Variants in ARHGDIB observed in about 807,000 individuals in gnomAD.
The protein encoded by ARHGDIB is rho GDP-dissociation inhibitor 2.
A neutral mutation model predicts 22.6 loss-of-function variants in ARHGDIB; 20 were observed. That is an observed-to-expected ratio of 0.88 (90% CI 0.62 to 1.28). The LOEUF is 1.28. Ranked by LOEUF, ARHGDIB falls within the 50% of genes most tolerant of loss-of-function variation. The probability of loss-of-function intolerance (pLI) is 0.00; values close to 1 mark genes in which losing one functional copy is unlikely to be tolerated. For synonymous variants in ARHGDIB, 114 were observed against 96.1 expected (o/e 1.19, Z -1.09); for missense variants, 254 against 245.4 (o/e 1.04, Z -0.23).
In ARHGDIB at chr12:14,950,561, G is replaced by A. The variant is rs773817916; in HGVS notation, c.152C>T (p.Thr51Met). ...DDESLIKYKKTLLGDGPVVTD... is the reference protein window; with the variant it reads ...DDESLIKYKKMLLGDGPVVTD... ...CACCACAGGACCATCTCCCAGCAGC[G>A]TTTTCTTGTACTTAATTAGACTCTC... The change falls in exon 2 of 6, where the codon ACG becomes ATG. Residue 51 changes from threonine to methionine, a missense_variant. By Grantham distance (81) the Thr-to-Met change is moderately conservative. Coordinates refer to ENST00000228945, the MANE Select transcript of ARHGDIB (RefSeq NM_001175.7). 1.7e-5 allele frequency: 28 copies of A among 1,613,714 alleles called. No homozygotes were observed. The highest frequency in any genetic ancestry group is 2.2e-5 in the Non-Finnish European group (26 of 1,179,804).
chr12:14,952,435 T>A (rs749409900), intron 1 of ARHGDIB, among the ~76,000 whole-genome samples: 3 of 152,116 alleles, frequency 2.0e-5, no homozygotes, highest in African/African-American at 4.8e-5. Context: ...GAAGAAAACA[T>A]GTAGGCCTGT....
intron 1 of ARHGDIB, among the ~76,000 whole-genome samples, chr12:14,959,778 C>G (rs901826318): frequency 1.3e-5 from 2 of 152,170 alleles, no homozygotes; most frequent in Non-Finnish European, 2.9e-5. Flanking sequence ...CAGTCGAGGC[C>G]TGAAAAATGC....
chr12:14,945,373 G>T (rs937963822), intron 4 of ARHGDIB, among the ~76,000 whole-genome samples: 4 of 152,168 alleles, frequency 2.6e-5, no homozygotes, highest in African/African-American at 9.7e-5. Flanking sequence ...TGAAATAATG[G>T]GTGAAATTCA....
rs1864060546 is a variant in ARHGDIB, at chr12:14,947,920, T to C, written c.295A>G (p.Ile99Val). ...TATTCAGAACCTTCCTTTAACACAA[T>C]GGTTTCCTTTTTGAGGGCTTCCAGA... Reference protein sequence around the residue: ...GDLEALKKETIVLKEGSEYRV... With the variant: ...GDLEALKKETVVLKEGSEYRV... The change falls in exon 4 of 6, where the codon ATT (isoleucine) becomes GTT (valine). Residue 99 changes from isoleucine (I) to valine (V), a missense_variant. Physicochemically the swap from Ile to Val is conservative, Grantham distance 29 (BLOSUM62 3). Transcript: ENST00000228945. 2 of 1,613,330 alleles carry C rather than the reference T, an allele frequency of 1.2e-6. No homozygotes were observed. The highest frequency in any genetic ancestry group is 1.7e-6 in the Non-Finnish European group (2 of 1,179,248).
At chr12:14,948,680 T>C (rs1864089146) in intron 3 of ARHGDIB, 1 of 152,208 alleles carries the variant, frequency 6.6e-6, no homozygotes, top group Non-Finnish European at 1.5e-5. Context: ...AATTTGGTTT[T>C]CCTCTGCTGG....
intron 3 of ARHGDIB, 151 bp from the exon 4 acceptor site, chr12:14,948,100 GCACACACACACACA>G (rs56206040): frequency 3.0e-4 from 131 of 437,236 alleles, no homozygotes; most frequent in South Asian, 4.7e-4. Flanking sequence ...TTTAGTCCTT[GCACACACACACACA>G]CACACACACA....
intron 5 of ARHGDIB, among the ~76,000 whole-genome samples, 168 bp from the exon 6 acceptor site, chr12:14,942,889 A>G (rs1312129666): frequency 6.7e-6 from 1 of 148,932 alleles, no homozygotes; most frequent in Admixed American, 6.6e-5. Flanking sequence ...TTTTTTTAAG[A>G]TGGAGTTTTG....
rs774299644 is a variant in ARHGDIB, at chr12:14,950,611, C to A, written c.102G>T (p.Glu34Asp). The A allele has an allele frequency of 3.1e-6, 5 of 1,613,950 alleles. No homozygotes were observed. In the African/African-American group the frequency reaches 6.7e-5, roughly 22 times the overall value. ...YKPPPQKSLKELQEMDKDDES... is the reference protein window; with the variant it reads ...YKPPPQKSLKDLQEMDKDDES... Reference sequence around the variant, plus strand: ...CATCATCTTTGTCCATTTCCTGCAGCTCTTTCAGGGACTTCTGTGGTGGAG... The same window carrying A: ...CATCATCTTTGTCCATTTCCTGCAGATCTTTCAGGGACTTCTGTGGTGGAG... The change falls in exon 2 of 6, where the codon GAG becomes GAT. Residue 34 changes from glutamate (E) to aspartate (D), a missense_variant. Coordinates refer to ENST00000228945, the MANE Select transcript of ARHGDIB (RefSeq NM_001175.7).
intron 5 of ARHGDIB, among the ~76,000 whole-genome samples, chr12:14,943,295 A>T (rs540633244): frequency 6.6e-6 from 1 of 152,058 alleles, no homozygotes; most frequent in African/African-American, 2.4e-5. Context: ...GGTCCCAGGG[A>T]TCAGTGTTTT....
intron 1 of ARHGDIB, 61 bp from the exon 2 acceptor site, chr12:14,950,785 GGCTGCTGTTA>G: frequency 7.0e-7 from 1 of 1,431,712 alleles, no homozygotes; most frequent in Non-Finnish European, 9.3e-7. Flanking sequence ...ATGTTAGTGG[GGCTGCTGTTA>G]GCAGCCTCCT....
intron 1 of ARHGDIB, among the ~76,000 whole-genome samples, chr12:14,960,693 G>A (rs1302765500): frequency 6.6e-6 from 1 of 152,090 alleles, no homozygotes; most frequent in African/African-American, 2.4e-5. Flanking sequence ...AGTAGAGATG[G>A]GGTTTCACCA....
chr12:14,946,708 G>T (rs921165537), intron 4 of ARHGDIB, among the ~76,000 whole-genome samples: 2 of 152,144 alleles, frequency 1.3e-5, no homozygotes, highest in African/African-American at 4.8e-5. Flanking sequence ...CCCTGTTCCA[G>T]AGCTTTCCTT....
chr12:14,943,060 G>A (rs1031925451), intron 5 of ARHGDIB, among the ~76,000 whole-genome samples: 21 of 152,038 alleles, frequency 1.4e-4, no homozygotes, highest in African/African-American at 5.1e-4. Context: ...TAGAGACGGG[G>A]TTTCTCCATG....
chr12:14,958,551 C>A (rs1454833331), intron 1 of ARHGDIB, among the ~76,000 whole-genome samples: 3 of 152,192 alleles, frequency 2.0e-5, no homozygotes, highest in Admixed American at 2.0e-4. Context: ...GTGAGCTTTG[C>A]TGAGTGCCCA....
intron 1 of ARHGDIB, among the ~76,000 whole-genome samples, chr12:14,955,485 C>G (rs1047619728): frequency 3.9e-5 from 6 of 152,080 alleles, no homozygotes; most frequent in Non-Finnish European, 7.4e-5. Context: ...TAAAATATGT[C>G]TGGGATACAT....
chr12:14,954,223 C>G (rs1410465970), intron 1 of ARHGDIB, among the ~76,000 whole-genome samples: 3 of 152,194 alleles, frequency 2.0e-5, no homozygotes, highest in African/African-American at 7.2e-5. Context: ...AAGAGATCCA[C>G]CCGCCTTGGC....
chr12:14,953,954 TTTCC>T lies in ARHGDIB; in HGVS notation c.-12-3234_-12-3231del, dbSNP rs1324202334. 3.8e-3 allele frequency among the ~76,000 whole-genome samples: 562 copies of T among 145,978 alleles called. 4 individuals are homozygous for T. Among genetic ancestry groups the T allele is most frequent in the African/African-American group, 0.013 (484 of 36,754 alleles). On this transcript the variant is annotated intron_variant, in intron 1 of 5. Transcript: ENST00000228945. ...CCTTCCTTCCTTCCTTCCTTTCTTC[TTTCC>T]TTCCTTCCTTCCTTCCTTTCTTCTT...
intron 2 of ARHGDIB, 103 bp from the exon 3 acceptor site, chr12:14,949,988 T>C: frequency 9.5e-7 from 1 of 1,047,620 alleles, no homozygotes; most frequent in Non-Finnish European, 1.4e-6. Flanking sequence ...AAAGTGATCT[T>C]TCTATCTGGA....
intron 1 of ARHGDIB, among the ~76,000 whole-genome samples, chr12:14,952,278 A>G (rs1179540132): frequency 3.6e-4 from 3 of 8,396 alleles, no homozygotes; most frequent in Non-Finnish European, 9.5e-4. Flanking sequence ...TAATGGAACC[A>G]AAAAAAAAAA....
Sources: allele counts gnomAD v4.1 joint callset (sites outside exome capture counted in the v4.1 genomes callset), GRCh38; gene constraint gnomAD v4.1.1; transcripts MANE v1.5; gene names NCBI Gene and HGNC (gene_info 2026-07-23, HGNC 2026-07-21).